CAST: variants seen among roughly 807,000 people sequenced by gnomAD.
CAST encodes the protein MIR583 host.
Under a neutral mutation model 119.6 loss-of-function variants are expected in CAST, and 76 were observed. The observed-to-expected ratio is 0.64, with a 90% CI of 0.53 to 0.77. The LOEUF is 0.77. Ranked by LOEUF, CAST falls within the 30% of genes least tolerant of loss-of-function variation. The pLI is 0.00. For synonymous variants in CAST, 319 were observed against 331.6 expected (o/e 0.96, Z 0.41); for missense variants, 953 against 946.5 (o/e 1.01, Z -0.09).
the CAST span, among the ~76,000 whole-genome samples, chr5:96,514,176 C>T: frequency 3.3e-5 from 5 of 152,150 alleles, no homozygotes; most frequent in Non-Finnish European, 7.4e-5. Context: ...CTAAGGACTT[C>T]AACGCATATT....
the CAST span, among the ~76,000 whole-genome samples, chr5:96,346,635 C>G: frequency 6.6e-6 from 1 of 152,142 alleles, no homozygotes; most frequent in Non-Finnish European, 1.5e-5. Context: ...AAGCAACACC[C>G]AAACCTCATA....
chr5:96,554,413 A>G (rs557510047), intron 1 of CAST, among the ~76,000 whole-genome samples: 2 of 152,360 alleles, frequency 1.3e-5, no homozygotes, highest in African/African-American at 2.4e-5. Context: ...CTCAAGATGG[A>G]TCAAAGACTT....
At chr5:96,357,422 G>GA in the CAST span, among the ~76,000 whole-genome samples, 6 of 152,156 alleles carry the variant, frequency 3.9e-5, no homozygotes, top group Non-Finnish European at 8.8e-5. Flanking sequence ...TTTTCAATGG[G>GA]AATGCTTCCA....
chr5:95,995,245 C>T, the CAST span, among the ~76,000 whole-genome samples: 2 of 151,872 alleles, frequency 1.3e-5, no homozygotes, highest in Admixed American at 1.3e-4. Flanking sequence ...TGGAGCTCAT[C>T]CCACACTGCA....
the CAST span, among the ~76,000 whole-genome samples, chr5:96,360,313 C>T: frequency 6.6e-6 from 1 of 151,936 alleles, no homozygotes; most frequent in South Asian, 2.1e-4. Context: ...TTGTTATTAC[C>T]CACCTTCTGA....
the CAST span, among the ~76,000 whole-genome samples, chr5:96,042,764 T>A: frequency 6.6e-6 from 1 of 152,174 alleles, no homozygotes; most frequent in East Asian, 1.9e-4. Context: ...TAGAGTAAGT[T>A]ACTTAATCTC....
chr5:96,353,769 A>G, the CAST span, among the ~76,000 whole-genome samples: 1 of 151,392 alleles, frequency 6.6e-6, no homozygotes, highest in East Asian at 1.9e-4. Context: ...ACTGAATAAC[A>G]TTACAAACTT....
At chr5:96,014,175 T>C in the CAST span, among the ~76,000 whole-genome samples, 1 of 151,864 alleles carries the variant, frequency 6.6e-6, no homozygotes, top group Non-Finnish European at 1.5e-5. Flanking sequence ...AAATTTTTTT[T>C]TGTTAAAAAC....
the CAST span, among the ~76,000 whole-genome samples, chr5:96,404,172 CACAA>C: frequency 1.6e-4 from 24 of 152,298 alleles, no homozygotes; most frequent in East Asian, 4.4e-3. Flanking sequence ...TGGGTTTCTA[CACAA>C]ACACAGGTGG....
the CAST span, among the ~76,000 whole-genome samples, chr5:96,437,001 A>T: frequency 6.6e-6 from 1 of 152,250 alleles, no homozygotes; most frequent in Non-Finnish European, 1.5e-5. Context: ...TAAATACAGC[A>T]TCAAGGTGGT....
chr5:96,619,392 GACCAATCAGCTCTCTGTAAAATGA>G (rs1314008090), intron 1 of CAST, among the ~76,000 whole-genome samples: 79 of 147,650 alleles, frequency 5.4e-4, no homozygotes, highest in Non-Finnish European at 9.9e-4. Context: ...CTGTAAAATG[GACCAATCAGCTCTCTGTAAAATGA>G]ACCAATCAGC....
the CAST span, among the ~76,000 whole-genome samples, chr5:96,176,655 T>C: frequency 1.3e-5 from 2 of 152,206 alleles, no homozygotes; most frequent in Admixed American, 6.5e-5. Flanking sequence ...TTGGCATACT[T>C]TCACTTTTCT....
At chr5:96,553,450 T>G (rs1241304533) in intron 1 of CAST, among the ~76,000 whole-genome samples, 1 of 152,166 alleles carries the variant, frequency 6.6e-6, no homozygotes, top group African/African-American at 2.4e-5. Context: ...CCACAACCAG[T>G]ATCATACTGA....
At position 96,729,613 on chromosome 5, in the gene CAST, C is replaced by A; in HGVS notation, c.437C>A (p.Pro146Gln). ...GGGCACCTGTGTGTGTACTTTCAGC[C>A]AAAAAGCCTACCCAAGCAGGCATCA... ...QEGKPKEHTE[P>Q]KSLPKQASDT... The change falls in exon 8 of 32, where the codon CCA (proline) becomes CAA (glutamine). Residue 146 changes from proline to glutamine, a missense_variant and splice_region_variant. Pro to Gln is a moderately conservative substitution (Grantham distance 76). Coordinates refer to ENST00000675179, the MANE Select transcript of CAST (RefSeq NM_001750.7). The A allele has an allele frequency of 6.7e-7, 1 of 1,485,744 alleles. No individual in the cohort carries two copies. The highest frequency in any genetic ancestry group is 9.4e-7 in the Non-Finnish European group (1 of 1,063,590). The allele number at this position is 1,485,744 out of a possible 1,614,324, so 92.0% of individuals were successfully genotyped here.
At chr5:96,279,124 C>T in the CAST span, among the ~76,000 whole-genome samples, 2 of 152,126 alleles carry the variant, frequency 1.3e-5, no homozygotes, top group African/African-American at 2.4e-5. Context: ...CTTGGTCTCT[C>T]GGGTGGACTT....
intron 1 of CAST, among the ~76,000 whole-genome samples, chr5:96,563,742 T>C (rs886064448): frequency 1.3e-5 from 2 of 152,210 alleles, no homozygotes; most frequent in African/African-American, 4.8e-5. Context: ...TGAATTCCAT[T>C]GCTAATTGGA....
chr5:96,136,523 G>A, the CAST span, among the ~76,000 whole-genome samples: 1 of 152,118 alleles, frequency 6.6e-6, no homozygotes, highest in African/African-American at 2.4e-5. Flanking sequence ...CTAACATTTG[G>A]ACACTAGATA....
the CAST span, among the ~76,000 whole-genome samples, chr5:96,400,720 T>C: frequency 6.6e-6 from 1 of 152,242 alleles, no homozygotes; most frequent in Non-Finnish European, 1.5e-5. Context: ...CTCTTAGCTA[T>C]TTGAGCTCAC....
chr5:96,286,621 C>A, the CAST span, among the ~76,000 whole-genome samples: 1 of 152,054 alleles, frequency 6.6e-6, no homozygotes, highest in East Asian at 1.9e-4. Context: ...AAGTTTTTTT[C>A]TCCAACAAGG....
Sources: allele counts gnomAD v4.1 joint callset (sites outside exome capture counted in the v4.1 genomes callset), GRCh38; gene constraint gnomAD v4.1.1; transcripts MANE v1.5; gene names NCBI Gene and HGNC (gene_info 2026-07-23, HGNC 2026-07-21).